Variants in DNAH12 observed in about 807,000 individuals in gnomAD.
DNAH12 encodes axonemal beta dynein heavy chain 12.
Under a neutral mutation model 371.5 loss-of-function variants are expected in DNAH12, and 285 were observed. The ratio of observed to expected loss-of-function variants is 0.77; its 90% CI spans 0.70 to 0.85. The LOEUF is 0.85. Among genes scored for constraint, DNAH12 ranks in the 40% least tolerant of loss-of-function variants. The pLI is 0.00. For synonymous variants in DNAH12, 1,200 were observed against 1,213.0 expected (o/e 0.99, Z 0.22); for missense variants, 3,611 against 3,689.4 (o/e 0.98, Z 0.55).
chr3:57,401,093 A>G (rs2063846673), intron 43 of DNAH12, among the ~76,000 whole-genome samples: 2 of 152,202 alleles, frequency 1.3e-5, no homozygotes, highest in African/African-American at 2.4e-5. Context: ...TGAAAATTAA[A>G]CTGTTAATTT....
At chr3:57,365,026 A>G (rs2063017316) in intron 57 of DNAH12, among the ~76,000 whole-genome samples, 2 of 152,254 alleles carry the variant, frequency 1.3e-5, no homozygotes, top group Admixed American at 6.5e-5. Flanking sequence ...AATGTAAATT[A>G]GTTTAACCAT....
intron 2 of DNAH12, among the ~76,000 whole-genome samples, chr3:57,534,247 T>C (rs966720334): frequency 1.3e-5 from 2 of 152,148 alleles, no homozygotes; most frequent in East Asian, 1.9e-4. Flanking sequence ...TTGGGGGTGA[T>C]TGGTATCAGC....
intron 69 of DNAH12, among the ~76,000 whole-genome samples, chr3:57,308,705 C>G (rs940068628): frequency 6.6e-6 from 1 of 152,212 alleles, no homozygotes; most frequent in Non-Finnish European, 1.5e-5. Context: ...CAAACCGCCA[C>G]TCTTAACTCT....
intron 17 of DNAH12, among the ~76,000 whole-genome samples, chr3:57,465,919 A>C (rs939376366): frequency 2.0e-5 from 3 of 152,136 alleles, no homozygotes; most frequent in Non-Finnish European, 2.9e-5. Context: ...GAGTAGCAAA[A>C]ACCTAAAGTT....
intron 45 of DNAH12, among the ~76,000 whole-genome samples, chr3:57,390,143 A>G (rs1427949116): frequency 4.0e-5 from 6 of 148,698 alleles, no homozygotes; most frequent in Non-Finnish European, 7.5e-5. Context: ...TGAGAGCACC[A>G]ATATTGACTT....
At chr3:57,387,612 A>G (rs2063523008) in intron 45 of DNAH12, among the ~76,000 whole-genome samples, 1 of 152,084 alleles carries the variant, frequency 6.6e-6, no homozygotes, top group African/African-American at 2.4e-5. Context: ...TTTATTCTAG[A>G]TAGCAATATA....
intron 49 of DNAH12, among the ~76,000 whole-genome samples, chr3:57,384,518 T>C (rs1432527211): frequency 6.6e-6 from 1 of 151,836 alleles, no homozygotes; most frequent in Non-Finnish European, 1.5e-5. Context: ...GTGGTGTGTG[T>C]CTGTGATCCT....
At chr3:57,547,201 C>T (rs2069587372), upstream of DNAH12, among the ~76,000 whole-genome samples, 1 of 103,706 alleles carries the variant, frequency 9.6e-6, no homozygotes, top group Non-Finnish European at 2.0e-5. Context: ...TAGACATACA[C>T]ACACACATAT....
At chr3:57,483,185 G>C (rs931126468) in intron 13 of DNAH12, among the ~76,000 whole-genome samples, 191 bp downstream of exon 13, 1 of 151,818 alleles carries the variant, frequency 6.6e-6, no homozygotes, top group Non-Finnish European at 1.5e-5. Context: ...GAGAAGGAGA[G>C]GCATGGCGAT....
Position 57,540,847 on chromosome 3 carries a change from G to A in DNAH12, c.170+1854C>T, listed in dbSNP as rs181577183. Among the ~76,000 whole-genome samples, 6 of 151,864 alleles carry A rather than the reference G, an allele frequency of 4.0e-5. No individual in the cohort carries two copies. In the East Asian group the frequency reaches 5.9e-4, roughly 15 times the overall value. The stretch of plus-strand genomic sequence containing the variant: ...TGAGAGGCTAAGATGGGAGGATCAC[G>A]AGAGTCCAGGAGGTTGAGGCTCCAG... On this transcript the variant is annotated intron_variant, in intron 2 of 73. Transcript: ENST00000495027.
chr3:57,490,300 C>G (rs1189508895), intron 11 of DNAH12, among the ~76,000 whole-genome samples: 1 of 151,998 alleles, frequency 6.6e-6, no homozygotes. Context: ...ACCCTGCATT[C>G]CAGGCTGGGT....
intron 73 of DNAH12, 55 bp downstream of exon 73, chr3:57,295,470 T>C: frequency 1.4e-6 from 2 of 1,474,120 alleles, no homozygotes; most frequent in Non-Finnish European, 1.8e-6. Flanking sequence ...CAGTGTATAA[T>C]ATCCATCCTT....
At chr3:57,485,930 A>G (rs149078472) in intron 12 of DNAH12, among the ~76,000 whole-genome samples, 139 of 152,160 alleles carry the variant, frequency 9.1e-4, no homozygotes, top group African/African-American at 3.3e-3. Flanking sequence ...ACCGCTAAAT[A>G]ACTTAACTGC....
At chr3:57,483,189 T>G (rs940228587) in intron 13 of DNAH12, among the ~76,000 whole-genome samples, 187 bp downstream of exon 13, 1 of 151,604 alleles carries the variant, frequency 6.6e-6, no homozygotes, top group Admixed American at 6.6e-5. Flanking sequence ...AGGAGAGGCA[T>G]GGCGATCAGA....
At chr3:57,447,847 G>A (rs1004379806) in intron 25 of DNAH12, among the ~76,000 whole-genome samples, 1 of 151,944 alleles carries the variant, frequency 6.6e-6, no homozygotes, top group African/African-American at 2.4e-5. Context: ...TTTATTTTTT[G>A]TATTTTTAGT....
chr3:57,378,174 T>C (rs902272330), intron 52 of DNAH12, among the ~76,000 whole-genome samples: 3 of 152,044 alleles, frequency 2.0e-5, no homozygotes, highest in Non-Finnish European at 4.4e-5. Flanking sequence ...GCAGCTTGTA[T>C]CAGAATAAAA....
In DNAH12 at chr3:57,333,444, C is replaced by T. The variant is rs536812234; in HGVS notation, c.9978+1021G>A. 4.0e-5 allele frequency among the ~76,000 whole-genome samples: 6 copies of T among 151,142 alleles called. No homozygotes were observed. The East Asian group carries it at 1.2e-3, about 30-fold the overall frequency. On this transcript the variant is annotated intron_variant, in intron 62 of 73. Transcript: ENST00000495027. ...CTCTCCAGTTCAAACAATTCTCCTT[C>T]CTCAACCTCCTGAATAGCTGGGACT...
chr3:57,302,192 T>C (rs1430233772), intron 69 of DNAH12, among the ~76,000 whole-genome samples: 3 of 152,190 alleles, frequency 2.0e-5, no homozygotes, highest in Admixed American at 6.5e-5. Context: ...GCTTTCTGGC[T>C]ATTTTTGCTT....
At chr3:57,471,095 G>A (rs1186042145) in intron 15 of DNAH12, among the ~76,000 whole-genome samples, 1 of 151,898 alleles carries the variant, frequency 6.6e-6, no homozygotes, top group African/African-American at 2.4e-5. Flanking sequence ...ATAGAGAACT[G>A]AGTCACAAGA....
Sources: allele counts gnomAD v4.1 joint callset (sites outside exome capture counted in the v4.1 genomes callset), GRCh38; gene constraint gnomAD v4.1.1; transcripts MANE v1.5; gene names NCBI Gene and HGNC (gene_info 2026-07-23, HGNC 2026-07-21).